ABI2: variants seen among roughly 807,000 people sequenced by gnomAD.
ABI2 encodes abl interactor 2, also known as abelson interactor 2.
A neutral mutation model predicts 59.2 loss-of-function variants in ABI2; 25 were observed. The ratio of observed to expected loss-of-function variants is 0.42; its 90% CI spans 0.31 to 0.59. The LOEUF (loss-of-function observed/expected upper bound fraction) is 0.59. Among genes scored for constraint, ABI2 ranks in the 20% least tolerant of loss-of-function variants. The pLI is 0.14. For missense variants in ABI2, 545 were observed against 681.8 expected (o/e 0.80, Z 2.23); for synonymous variants, 213 against 235.5 (o/e 0.90, Z 0.87).
intron 11 of ABI2, among the ~76,000 whole-genome samples, chr2:203,426,019 CAAAA>C (rs34530204): frequency 1.2e-5 from 1 of 85,484 alleles, no homozygotes; most frequent in Non-Finnish European, 2.8e-5. Context: ...GAGACTGTCT[CAAAA>C]AAAAAAAAAA....
chr2:203,354,464 T>G (rs1317582743), intron 1 of ABI2, among the ~76,000 whole-genome samples: 1 of 152,220 alleles, frequency 6.6e-6, no homozygotes, highest in Non-Finnish European at 1.5e-5. Flanking sequence ...TGTATGAATC[T>G]TATATGAACA....
chr2:203,358,111 GTGTTTGTT>G lies in ABI2; in HGVS notation c.118-8752_118-8745del, dbSNP rs776036611. The stretch of plus-strand genomic sequence containing the variant: ...TGTGTGTGTGTGTGTGTGTGTGTGT[GTGTTTGTT>G]TGTTTGTTTGTTTTTGAGACAGGGC... On this transcript the variant is annotated intron_variant, in intron 1 of 11. Coordinates refer to ENST00000261018, the MANE Select transcript of ABI2 (RefSeq NM_001375670.1). Among the ~76,000 whole-genome samples, 923 of 109,268 alleles carry G rather than the reference GTGTTTGTT, an allele frequency of 8.4e-3. 3 individuals are homozygous for G. The highest frequency in any genetic ancestry group is 0.011 in the Non-Finnish European group (489 of 43,996). 71.7% of individuals were successfully genotyped at this position (109,268 alleles called of 152,430 possible).
intron 2 of ABI2, among the ~76,000 whole-genome samples, chr2:203,371,003 C>T (rs1396587965): frequency 1.3e-5 from 2 of 152,196 alleles, no homozygotes; most frequent in African/African-American, 4.8e-5. Flanking sequence ...TGAAAAAGAT[C>T]AGGGCATCTA....
In ABI2 at chr2:203,385,139, C is replaced by CTTTTT. The variant is rs10527327; in HGVS notation, c.480+2942_480+2946dup. On this transcript the variant is annotated intron_variant, in intron 4 of 11. Coordinates refer to ENST00000261018, the MANE Select transcript of ABI2 (RefSeq NM_001375670.1). The stretch of plus-strand genomic sequence containing the variant: ...TGAGCCACCGCACCCGGCTCAGATT[C>CTTTTT]TTTTTTTTTTTTTGAGACAGTCTTG... 8.7e-3 allele frequency among the ~76,000 whole-genome samples: 611 copies of CTTTTT among 69,962 alleles called. 117 individuals carry two copies. Among genetic ancestry groups the CTTTTT allele is most frequent in the Non-Finnish European group, 0.013 (454 of 34,790 alleles). The allele number at this position is 69,962 out of a possible 152,430, so 45.9% of individuals were successfully genotyped here.
intron 1 of ABI2, chr2:203,351,744 C>T: frequency 3.3e-6 from 1 of 299,092 alleles, no homozygotes. Flanking sequence ...CTTCATTGCT[C>T]AGGCTGGTCC....
intron 1 of ABI2, among the ~76,000 whole-genome samples, chr2:203,364,674 C>G (rs1205194644): frequency 6.6e-6 from 1 of 151,724 alleles, no homozygotes; most frequent in Non-Finnish European, 1.5e-5. Context: ...TTATAGTTGA[C>G]TAGGATAGAA....
rs902799989 is a variant in ABI2 at position 203,428,743 on chromosome 2, T to C, written c.*1391T>C. On this transcript the variant is annotated 3_prime_UTR_variant, in exon 12 of 12. Transcript: ENST00000261018. ...AAAAAATCCAGGAGGGCTTGTCTCTTTGTGGGTGGTCACTGTGATGTTGGG... is the reference window on the plus strand; with the variant it reads ...AAAAAATCCAGGAGGGCTTGTCTCTCTGTGGGTGGTCACTGTGATGTTGGG... 5 of 152,266 alleles carry C rather than the reference T, an allele frequency of 3.3e-5. No homozygotes were observed. The highest frequency in any genetic ancestry group is 5.9e-5 in the Non-Finnish European group (4 of 68,108). The allele number at this position is 152,266 out of a possible 1,614,324, so 9.4% of individuals were successfully genotyped here.
At position 203,429,994 on chromosome 2, in the gene ABI2, T is replaced by A. The variant is rs2098469785; in HGVS notation, c.*2642T>A. ...CTATTTAGTACTAATGTGTGTGTGATCTTTGTTTTACAAACAGTACCTTTT... is the reference window on the plus strand; with the variant it reads ...CTATTTAGTACTAATGTGTGTGTGAACTTTGTTTTACAAACAGTACCTTTT... On this transcript the variant is annotated 3_prime_UTR_variant, in exon 12 of 12. Coordinates refer to ENST00000261018, the MANE Select transcript of ABI2 (RefSeq NM_001375670.1). 1 of 152,138 alleles carries A rather than the reference T, an allele frequency of 6.6e-6. No individual in the cohort carries two copies. Among genetic ancestry groups the A allele is most frequent in the Non-Finnish European group, 1.5e-5 (1 of 68,052 alleles). 9.4% of individuals were successfully genotyped at this position (152,138 alleles called of 1,614,324 possible).
intron 2 of ABI2, among the ~76,000 whole-genome samples, chr2:203,370,065 A>C (rs964435925): frequency 6.6e-6 from 1 of 152,154 alleles, no homozygotes; most frequent in Non-Finnish European, 1.5e-5. Flanking sequence ...AAATACTCTA[A>C]AATAGGGGTT....
intron 4 of ABI2, among the ~76,000 whole-genome samples, chr2:203,382,573 TAG>T (rs951065263): frequency 6.6e-6 from 1 of 152,220 alleles, no homozygotes; most frequent in African/African-American, 2.4e-5. Flanking sequence ...TTTATAAATA[TAG>T]AGACTTTGTT....
At chr2:203,376,252 G>A (rs975898366) in intron 2 of ABI2, 1 of 669,828 alleles carries the variant, frequency 1.5e-6, no homozygotes, top group East Asian at 2.8e-5. Context: ...TCTCATGGTG[G>A]GGGAGTGCTA....
chr2:203,371,751 C>A (rs928987734), intron 2 of ABI2, among the ~76,000 whole-genome samples: 2 of 151,996 alleles, frequency 1.3e-5, no homozygotes, highest in African/African-American at 2.4e-5. Context: ...GTACACATAC[C>A]TTTAAGTCAG....
intron 2 of ABI2, 150 bp from the exon 3 acceptor site, chr2:203,380,058 G>T: frequency 2.0e-6 from 1 of 500,506 alleles, no homozygotes. Context: ...CCTAAAAATG[G>T]AGAAAATCAG....
intron 11 of ABI2, among the ~76,000 whole-genome samples, chr2:203,419,247 C>G (rs1050509226): frequency 1.3e-5 from 2 of 150,782 alleles, no homozygotes; most frequent in African/African-American, 4.9e-5. Flanking sequence ...GTAGCTGGGA[C>G]TACCGGCGCC....
At chr2:203,408,833 C>CTTTTTTTTTCTTT (rs1553602653) in intron 9 of ABI2, among the ~76,000 whole-genome samples, 32 of 87,216 alleles carry the variant, frequency 3.7e-4, no homozygotes, top group African/African-American at 1.2e-3. Context: ...CTTCTCCTTT[C>CTTTTTTTTTCTTT]TTTTTTTTTT....
At chr2:203,357,988 G>T (rs767409494) in intron 1 of ABI2, among the ~76,000 whole-genome samples, 8 of 150,810 alleles carry the variant, frequency 5.3e-5, no homozygotes, top group Non-Finnish European at 8.8e-5. Flanking sequence ...AGGCTGTCTC[G>T]AACTCCTGAC....
intron 2 of ABI2, among the ~76,000 whole-genome samples, chr2:203,367,699 T>C (rs1428688985): frequency 2.0e-5 from 3 of 152,116 alleles, no homozygotes; most frequent in African/African-American, 4.8e-5. Flanking sequence ...TCCTTTTTCC[T>C]GTAAGTAGTT....
rs1336774278 is a variant in ABI2 at position 203,431,500 on chromosome 2, C to G, written c.*4148C>G. On this transcript the variant is annotated 3_prime_UTR_variant, in exon 12 of 12. Transcript: ENST00000261018. ...TCTTCATTTACCCCTCCTAAAACTACACTCAGTATAAACACTTTCCCATAA... is the reference window on the plus strand; with the variant it reads ...TCTTCATTTACCCCTCCTAAAACTAGACTCAGTATAAACACTTTCCCATAA... 6.6e-6 allele frequency: 1 copy of G among 152,544 alleles called. No individual in the cohort carries two copies. The highest frequency in any genetic ancestry group is 2.4e-5 in the African/African-American group (1 of 41,430). The allele number at this position is 152,544 out of a possible 1,614,324, so 9.4% of individuals were successfully genotyped here.
At chr2:203,350,187 A>G (rs931455292) in intron 1 of ABI2, among the ~76,000 whole-genome samples, 1 of 152,042 alleles carries the variant, frequency 6.6e-6, no homozygotes, top group Non-Finnish European at 1.5e-5. Context: ...AGCCATTCTC[A>G]TGCCTCAACC....
Sources: gnomAD v4.1 joint callset for allele counts (sites outside exome capture counted in the v4.1 genomes callset) on GRCh38, gnomAD v4.1.1 for gene constraint, MANE v1.5 for transcripts, NCBI Gene and HGNC (gene_info 2026-07-23, HGNC 2026-07-21) for gene names.